STX2: variants seen among roughly 807,000 people sequenced by gnomAD.
STX2 encodes the protein syntaxin-2.
Under a neutral mutation model 40.6 loss-of-function variants are expected in STX2, and 27 were observed. The ratio of observed to expected loss-of-function variants is 0.66; its 90% CI spans 0.49 to 0.92. The LOEUF (loss-of-function observed/expected upper bound fraction) is 0.92, where lower values mean the gene tolerates loss of function less well. Ranked by LOEUF, STX2 falls within the 40% of genes least tolerant of loss-of-function variation. The pLI, the probability that STX2 is intolerant of heterozygous loss-of-function variation, is 0.00. For missense variants in STX2, 328 were observed against 366.1 expected (o/e 0.90, Z 0.85); for synonymous variants, 123 against 119.1 (o/e 1.03, Z -0.22).
At chr12:130,832,316 A>G (rs1041630487) in intron 1 of STX2, among the ~76,000 whole-genome samples, 10 of 152,158 alleles carry the variant, frequency 6.6e-5, no homozygotes, top group African/African-American at 2.4e-4. Context: ...TGAGGTAGCC[A>G]TCCAGGCTCC....
At chr12:130,798,671 T>C (rs1170319988) in intron 8 of STX2, 36 bp from the exon 9 acceptor site, 1 of 1,500,370 alleles carries the variant, frequency 6.7e-7, no homozygotes, top group Non-Finnish European at 9.1e-7. Flanking sequence ...GAAGACATTT[T>C]CAAATGGCTT....
rs905492994 is a variant in STX2, at chr12:130,791,906, C to T, written c.*117G>A. 17 of 1,611,366 alleles carry T rather than the reference C, an allele frequency of 1.1e-5. No homozygotes were observed. In the Middle Eastern group the frequency reaches 1.2e-3, roughly 109 times the overall value. On this transcript the variant is annotated 3_prime_UTR_variant, in exon 11 of 11. Coordinates refer to ENST00000392373, the MANE Select transcript of STX2 (RefSeq NM_194356.4). ...GGCTCTTGGGATATGGTTGCTAGGA[C>T]AATGTTGTTGCTAGGATAATTCCAA...
intron 6 of STX2, among the ~76,000 whole-genome samples, chr12:130,804,019 G>A (rs536075994): frequency 1.2e-4 from 18 of 152,218 alleles, no homozygotes; most frequent in Admixed American, 3.3e-4. Flanking sequence ...CCCCACCTGG[G>A]GATTACATAA....
intron 10 of STX2, 128 bp downstream of exon 10, chr12:130,795,867 C>T: frequency 5.2e-6 from 6 of 1,150,024 alleles, no homozygotes; most frequent in African/African-American, 1.6e-5. Context: ...AGATGTATCA[C>T]TAGATGGCAT....
chr12:130,831,192 C>A (rs1265103564), intron 1 of STX2, among the ~76,000 whole-genome samples: 2 of 152,212 alleles, frequency 1.3e-5, no homozygotes, highest in East Asian at 3.8e-4. Flanking sequence ...CTTTCTTCTG[C>A]CTGTTGTTCA....
intron 2 of STX2, among the ~76,000 whole-genome samples, chr12:130,823,169 G>A (rs776751617): frequency 2.3e-4 from 35 of 152,108 alleles, no homozygotes; most frequent in South Asian, 6.3e-4. Context: ...AAAATTAGCC[G>A]GGCACAATGG....
chr12:130,836,445 T>C (rs1187584314), intron 1 of STX2, among the ~76,000 whole-genome samples: 1 of 152,068 alleles, frequency 6.6e-6, no homozygotes, highest in Admixed American at 6.6e-5. Flanking sequence ...TGAGTTTTTG[T>C]ATGTTTTTTG....
At chr12:130,820,762 T>G (rs1179565571) in intron 3 of STX2, among the ~76,000 whole-genome samples, 1 of 152,066 alleles carries the variant, frequency 6.6e-6, no homozygotes, top group Non-Finnish European at 1.5e-5. Context: ...CAACGAAAGA[T>G]GTGCGCGACC....
intron 8 of STX2, 65 bp from the exon 9 acceptor site, chr12:130,798,700 C>T: frequency 7.8e-7 from 1 of 1,278,964 alleles, no homozygotes; most frequent in South Asian, 1.4e-5. Context: ...ATCTTTAAGA[C>T]AACCATAGAA....
intron 1 of STX2, among the ~76,000 whole-genome samples, chr12:130,832,436 G>A (rs1952600220): frequency 6.6e-6 from 1 of 151,830 alleles, no homozygotes; most frequent in Admixed American, 6.6e-5. Flanking sequence ...TGCAGAGAGA[G>A]GACCACCGAG....
chr12:130,835,593 T>C (rs1952731430), intron 1 of STX2, among the ~76,000 whole-genome samples: 2 of 152,180 alleles, frequency 1.3e-5, no homozygotes, highest in African/African-American at 4.8e-5. Context: ...GCTTACGTCC[T>C]ACAGTGAATT....
chr12:130,827,013 A>T (rs1218297132), intron 2 of STX2, among the ~76,000 whole-genome samples, 180 bp downstream of exon 2: 2 of 150,206 alleles, frequency 1.3e-5, no homozygotes, highest in African/African-American at 4.9e-5. Flanking sequence ...TGTCTCCAAA[A>T]ACAAGAAAAA....
At chr12:130,824,588 T>C (rs548351183) in intron 2 of STX2, among the ~76,000 whole-genome samples, 1 of 152,274 alleles carries the variant, frequency 6.6e-6, no homozygotes, top group East Asian at 1.9e-4. Context: ...TGGTGCCAGC[T>C]ACCATTTTAT....
intron 9 of STX2, 34 bp from the exon 10 acceptor site, chr12:130,796,154 A>G (rs1294777312): frequency 6.2e-7 from 1 of 1,610,344 alleles, no homozygotes; most frequent in Non-Finnish European, 8.5e-7. Context: ...TATATCATGC[A>G]TGGTTAATTT....
Position 130,839,072 on chromosome 12 carries a change from C to A in STX2, c.28G>T (p.Ala10Ser). The A allele has an allele frequency of 7.5e-7, 1 of 1,341,640 alleles. No individual in the cohort carries two copies. The highest frequency in any genetic ancestry group is 9.6e-7 in the Non-Finnish European group (1 of 1,042,734). The allele number at this position is 1,341,640 out of a possible 1,614,324, so 83.1% of individuals were successfully genotyped here. MRDRLPDLT[A>S]CRKNDDGDTV... ...CGCTACCCGCGGCTGCCGCTCACCG[C>A]CGTCAGGTCTGGCAGCCGGTCCCGC... The change falls in exon 1 of 11, where the codon GCG (alanine) becomes TCG (serine). Residue 10 changes from alanine (A) to serine (S), a missense_variant and splice_region_variant. Coordinates refer to ENST00000392373, the MANE Select transcript of STX2 (RefSeq NM_194356.4).
At chr12:130,819,055 C>T (rs1302688660) in intron 3 of STX2, among the ~76,000 whole-genome samples, 2 of 152,250 alleles carry the variant, frequency 1.3e-5, no homozygotes, top group African/African-American at 4.8e-5. Context: ...GGTCCTTCGT[C>T]CACCTCTCTG....
intron 3 of STX2, among the ~76,000 whole-genome samples, chr12:130,813,952 G>A (rs761024011): frequency 1.3e-5 from 2 of 152,164 alleles, no homozygotes; most frequent in African/African-American, 2.4e-5. Context: ...CGTTTCTGCC[G>A]TAGACAACTT....
intron 4 of STX2, among the ~76,000 whole-genome samples, chr12:130,811,395 A>T (rs1313161391): frequency 1.3e-5 from 2 of 151,610 alleles, no homozygotes; most frequent in African/African-American, 4.8e-5. Flanking sequence ...TACTGCTTGC[A>T]ACTTCTAATG....
chr12:130,837,361 T>C (rs1055575849), intron 1 of STX2, among the ~76,000 whole-genome samples: 1 of 152,120 alleles, frequency 6.6e-6, no homozygotes, highest in African/African-American at 2.4e-5. Flanking sequence ...TGGCACAATC[T>C]CGGCTTTCTG....
Sources: allele counts gnomAD v4.1 joint callset (sites outside exome capture counted in the v4.1 genomes callset), GRCh38; gene constraint gnomAD v4.1.1; transcripts MANE v1.5; gene names NCBI Gene and HGNC (gene_info 2026-07-23, HGNC 2026-07-21).